The following DPP6 variants were observed in gnomAD, a reference collection of about 807,000 sequenced individuals.
The protein encoded by DPP6 is A-type potassium channel modulatory protein DPP6.
Under a neutral mutation model 122.6 loss-of-function variants are expected in DPP6, and 69 were observed. The observed-to-expected ratio is 0.56, with a 90% CI of 0.46 to 0.69. The LOEUF is 0.69. Ranked by LOEUF, DPP6 falls within the 30% of genes least tolerant of loss-of-function variation. The pLI is 0.00. For missense variants in DPP6, 928 were observed against 1,116.9 expected, an observed-to-expected ratio of 0.83 and a Z score of 2.41; for synonymous variants, 418 against 433.1, an observed-to-expected ratio of 0.97 and a Z score of 0.43.
intron 1 of DPP6, among the ~76,000 whole-genome samples, chr7:154,134,803 G>A (rs1004984444): frequency 6.6e-6 from 1 of 151,688 alleles, no homozygotes; most frequent in East Asian, 2.0e-4. Flanking sequence ...TCTTGTGAGT[G>A]TACACTTCCT....
At chr7:154,531,463 T>G (rs1827831510) in intron 3 of DPP6, among the ~76,000 whole-genome samples, 1 of 152,132 alleles carries the variant, frequency 6.6e-6, no homozygotes, top group African/African-American at 2.4e-5. Context: ...AAAGGTTAAA[T>G]GACATTTTCA....
chr7:154,769,851 A>G (rs1796145928), intron 9 of DPP6, among the ~76,000 whole-genome samples: 1 of 152,094 alleles, frequency 6.6e-6, no homozygotes, highest in Non-Finnish European at 1.5e-5. Context: ...ACCACTCCCC[A>G]GTGATGAAGG....
chr7:154,630,336 C>A (rs776478375), intron 5 of DPP6, among the ~76,000 whole-genome samples: 1 of 152,150 alleles, frequency 6.6e-6, no homozygotes, highest in Non-Finnish European at 1.5e-5. Flanking sequence ...AAACTAGGGC[C>A]GTGCTAGAGG....
At chr7:154,587,927 C>A (rs751763303) in intron 5 of DPP6, 2 of 1,612,806 alleles carry the variant, frequency 1.2e-6, no homozygotes, top group African/African-American at 2.7e-5. Context: ...GGCAGGACTG[C>A]CAATGGCACC....
intron 2 of DPP6, among the ~76,000 whole-genome samples, chr7:154,453,983 A>G (rs1203957804): frequency 6.6e-6 from 1 of 152,256 alleles, no homozygotes; most frequent in African/African-American, 2.4e-5. Flanking sequence ...TATCATAAAA[A>G]GTAATGCATA....
At chr7:153,760,607 T>C in the DPP6 span, among the ~76,000 whole-genome samples, 1 of 152,160 alleles carries the variant, frequency 6.6e-6, no homozygotes, top group Non-Finnish European at 1.5e-5. Context: ...GGTGGAAATG[T>C]AATATTAATT....
chr7:154,778,552 A>G (rs1796725113), intron 10 of DPP6, among the ~76,000 whole-genome samples: 1 of 150,040 alleles, frequency 6.7e-6, no homozygotes, highest in African/African-American at 2.5e-5. Flanking sequence ...TAATGGCTTG[A>G]GCACCCCCCC....
At chr7:154,044,357 A>G (rs1417773462) in intron 1 of DPP6, among the ~76,000 whole-genome samples, 2 of 152,146 alleles carry the variant, frequency 1.3e-5, no homozygotes, top group Admixed American at 6.5e-5. Flanking sequence ...AAGCAGATAC[A>G]TGGTTTCATT....
chr7:154,707,763 G>A (rs991760140), intron 7 of DPP6, among the ~76,000 whole-genome samples: 4 of 152,154 alleles, frequency 2.6e-5, no homozygotes, highest in Non-Finnish European at 4.4e-5. Flanking sequence ...ACAGTTCCTC[G>A]TGGCTGAGGA....
intron 12 of DPP6, chr7:154,796,113 G>A (rs374080719): frequency 5.3e-5 from 31 of 585,310 alleles, no homozygotes; most frequent in African/African-American, 9.4e-5. Context: ...TGAAAATCAC[G>A]GCTCTTCAGA....
intron 12 of DPP6, among the ~76,000 whole-genome samples, chr7:154,797,603 A>G (rs1451685344): frequency 6.6e-6 from 1 of 152,090 alleles, no homozygotes; most frequent in Non-Finnish European, 1.5e-5. Flanking sequence ...AAACTCATAG[A>G]CACAGAAAGC....
chr7:153,749,145 A>G, the DPP6 span, among the ~76,000 whole-genome samples: 2 of 152,082 alleles, frequency 1.3e-5, no homozygotes, highest in East Asian at 1.9e-4. This position sits in a 1 kb window ranked among gnomAD's most constrained non-coding sequence, Gnocchi z 4.1. Flanking sequence ...CATGCCTTGC[A>G]GGGGTCGGTG....
intron 1 of DPP6, among the ~76,000 whole-genome samples, chr7:154,204,846 A>G (rs1799356682): frequency 6.6e-6 from 1 of 152,058 alleles, no homozygotes. Context: ...TACCGTATAT[A>G]TGGATATATG....
intron 1 of DPP6, among the ~76,000 whole-genome samples, chr7:154,272,194 G>A (rs1803842695): frequency 6.6e-6 from 1 of 152,144 alleles, no homozygotes. Flanking sequence ...TGTATCTTCT[G>A]CTAAAAGAGA....
At chr7:154,751,376 G>A (rs28483725) in intron 8 of DPP6, among the ~76,000 whole-genome samples, 3,242 of 151,780 alleles carry the variant, frequency 0.021, 130 homozygotes, top group African/African-American at 0.074. Context: ...AAGGCGGGCC[G>A]ATCACCTGAG....
the DPP6 span, among the ~76,000 whole-genome samples, chr7:153,767,128 T>C: frequency 2.0e-5 from 3 of 152,234 alleles, no homozygotes; most frequent in South Asian, 4.2e-4. Context: ...GGGTGAAAAG[T>C]AAATGGTGTG....
rs1226554523 is a variant in DPP6 at position 154,282,515 on chromosome 7, C to G, written c.244-163699C>G. ...AGTGTGGCACACTGGAAGAAAGACA[C>G]GCTGTATCCTGGGCACAGGTCTTCT... On this transcript the variant is annotated intron_variant, in intron 1 of 25. Transcript: ENST00000377770. This position sits in a 1 kb window ranked among gnomAD's most constrained non-coding sequence, Gnocchi z 4.8. Among the ~76,000 whole-genome samples the G allele has an allele frequency of 6.6e-6, 1 of 152,132 alleles. No individual in the cohort carries two copies. Among genetic ancestry groups the G allele is most frequent in the Admixed American group, 6.5e-5 (1 of 15,286 alleles).
At chr7:154,854,060 G>T (rs1333572362) in intron 17 of DPP6, among the ~76,000 whole-genome samples, 7 of 152,196 alleles carry the variant, frequency 4.6e-5, no homozygotes, top group Non-Finnish European at 1.0e-4. Flanking sequence ...GCTGAGCCTG[G>T]AGGGTCATTC....
intron 1 of DPP6, among the ~76,000 whole-genome samples, chr7:154,295,660 C>T (rs1805490545): frequency 6.6e-6 from 1 of 151,986 alleles, no homozygotes; most frequent in Non-Finnish European, 1.5e-5. Context: ...CCTCATAATC[C>T]ACTCCCCTTC....
Sources: allele counts gnomAD v4.1 joint callset (sites outside exome capture counted in the v4.1 genomes callset), GRCh38; gene constraint gnomAD v4.1.1; non-coding constraint Gnocchi (gnomAD v3.1); transcripts MANE v1.5; gene names NCBI Gene and HGNC (gene_info 2026-07-23, HGNC 2026-07-21).